Variants in TAFA2 observed in about 807,000 individuals in gnomAD.
TAFA2 encodes chemokine-like protein TAFA-2.
Under a neutral mutation model 18.8 loss-of-function variants are expected in TAFA2, and 7 were observed. The observed-to-expected ratio is 0.37, with a 90% CI of 0.21 to 0.70. The LOEUF (loss-of-function observed/expected upper bound fraction) is 0.70, where lower values mean the gene tolerates loss of function less well. TAFA2 is among the 30% of genes least tolerant of loss of function. TAFA2 has a pLI of 0.53. For missense variants in TAFA2, 122 were observed against 158.1 expected (o/e 0.77, Z 1.23); for synonymous variants, 60 against 54.2 (o/e 1.11, Z -0.47).
intron 1 of TAFA2, among the ~76,000 whole-genome samples, chr12:62,076,233 T>C (rs1328465006): frequency 2.0e-5 from 3 of 152,296 alleles, no homozygotes; most frequent in Non-Finnish European, 4.4e-5. Context: ...CATAGTATGC[T>C]GAAAGATCAA....
chr12:61,834,588 A>G (rs1305994691), intron 2 of TAFA2, among the ~76,000 whole-genome samples: 4 of 151,946 alleles, frequency 2.6e-5, no homozygotes, highest in African/African-American at 4.8e-5. Context: ...AACTTTGTAC[A>G]ATGTTTTGCT....
intron 2 of TAFA2, among the ~76,000 whole-genome samples, chr12:61,840,156 C>T (rs981114431): frequency 3.3e-5 from 5 of 152,000 alleles, no homozygotes; most frequent in African/African-American, 1.2e-4. Context: ...GAATCCAGTG[C>T]TTCAGGAGTC....
At chr12:62,180,746 G>A (rs530376270) in intron 1 of TAFA2, among the ~76,000 whole-genome samples, 1 of 152,042 alleles carries the variant, frequency 6.6e-6, no homozygotes, top group South Asian at 2.1e-4. Context: ...AAAAAATTTA[G>A]TATCATTGAA....
chr12:61,765,433 T>C (rs1006678891), intron 2 of TAFA2, among the ~76,000 whole-genome samples: 2 of 152,114 alleles, frequency 1.3e-5, no homozygotes, highest in East Asian at 1.9e-4. Flanking sequence ...ATATCTGTTA[T>C]AGTAGCAAGC....
intron 1 of TAFA2, among the ~76,000 whole-genome samples, chr12:61,932,610 T>G (rs2121398515): frequency 6.6e-6 from 1 of 152,140 alleles, no homozygotes; most frequent in Middle Eastern, 3.4e-3. Flanking sequence ...GCCCAGCTAA[T>G]TTTTGTATTT....
intron 2 of TAFA2, among the ~76,000 whole-genome samples, chr12:61,788,243 C>A (rs1394229908): frequency 4.6e-5 from 7 of 151,558 alleles, no homozygotes; most frequent in African/African-American, 9.7e-5. Flanking sequence ...CAGACTGCAA[C>A]ACAATAATAA....
At chr12:62,006,614 G>T (rs918721777) in intron 1 of TAFA2, among the ~76,000 whole-genome samples, 5 of 152,098 alleles carry the variant, frequency 3.3e-5, no homozygotes, top group Admixed American at 1.3e-4. Context: ...GAAGAGAAAA[G>T]GGAAATCATA....
chr12:61,739,884 A>G (rs1868372961), intron 4 of TAFA2, among the ~76,000 whole-genome samples: 1 of 152,064 alleles, frequency 6.6e-6, no homozygotes, highest in Admixed American at 6.6e-5. Flanking sequence ...AATGTGTCTG[A>G]GAATATTCAA....
intron 1 of TAFA2, among the ~76,000 whole-genome samples, chr12:61,912,325 G>T (rs1876643614): frequency 6.6e-6 from 1 of 152,240 alleles, no homozygotes; most frequent in South Asian, 2.1e-4. Context: ...GCTATATGTG[G>T]ATATTGACAC....
chr12:62,164,749 C>G (rs527699228), intron 1 of TAFA2, among the ~76,000 whole-genome samples: 1 of 152,220 alleles, frequency 6.6e-6, no homozygotes, highest in South Asian at 2.1e-4. Flanking sequence ...GTTAACGCTT[C>G]TGTTAGCTTC....
At chr12:62,195,437 G>A (rs996824046), upstream of TAFA2, among the ~76,000 whole-genome samples, 10 of 152,130 alleles carry the variant, frequency 6.6e-5, no homozygotes, top group African/African-American at 2.4e-4. Flanking sequence ...AGATCCATCA[G>A]AGGAATCATT....
chr12:62,141,908 C>T (rs1057028829), intron 1 of TAFA2, among the ~76,000 whole-genome samples: 2 of 152,188 alleles, frequency 1.3e-5, no homozygotes, highest in African/African-American at 2.4e-5. Context: ...AAACCACAAA[C>T]AAAATCTTCC....
chr12:62,129,767 T>C (rs1362397196), intron 1 of TAFA2, among the ~76,000 whole-genome samples: 3 of 151,980 alleles, frequency 2.0e-5, no homozygotes, highest in Non-Finnish European at 4.4e-5. Context: ...ACCCACGAAA[T>C]GCTTCTAGCA....
At chr12:62,114,542 G>A (rs532073486) in intron 1 of TAFA2, among the ~76,000 whole-genome samples, 106 of 152,236 alleles carry the variant, frequency 7.0e-4, no homozygotes, top group African/African-American at 2.3e-3. Context: ...CTCAATAATT[G>A]ATGATATTTT....
At chr12:62,029,089 C>G (rs1881383079) in intron 1 of TAFA2, among the ~76,000 whole-genome samples, 1 of 152,012 alleles carries the variant, frequency 6.6e-6, no homozygotes, top group Non-Finnish European at 1.5e-5. Flanking sequence ...ATGTCCTCAC[C>G]ATATTTAATT....
intron 1 of TAFA2, among the ~76,000 whole-genome samples, chr12:61,928,282 A>G (rs1877395499): frequency 1.3e-5 from 2 of 152,240 alleles, no homozygotes; most frequent in Admixed American, 6.5e-5. Flanking sequence ...GCTGATAGCC[A>G]GAATGTACAA....
At chr12:62,231,340 C>G (rs1488342892) in intron 1 of TAFA2, among the ~76,000 whole-genome samples, 3 of 151,976 alleles carry the variant, frequency 2.0e-5, no homozygotes, top group African/African-American at 7.2e-5. Flanking sequence ...AAATAATGAC[C>G]TTGTCTCTTT....
chr12:61,835,871 C>T (rs140224029), intron 2 of TAFA2, among the ~76,000 whole-genome samples: 1 of 152,002 alleles, frequency 6.6e-6, no homozygotes, highest in East Asian at 1.9e-4. Context: ...CCTGGAAATA[C>T]AGCCATGGAT....
chr12:61,764,229 T>TAGA (rs747189894), intron 2 of TAFA2, among the ~76,000 whole-genome samples: 19,933 of 101,870 alleles, frequency 0.2, 1,472 homozygotes, highest in Admixed American at 0.27. Context: ...AGATGATTGA[T>TAGA]TGATAGATAG....
Sources: allele counts gnomAD v4.1 joint callset (sites outside exome capture counted in the v4.1 genomes callset), GRCh38; gene constraint gnomAD v4.1.1; transcripts MANE v1.5; gene names NCBI Gene and HGNC (gene_info 2026-07-23, HGNC 2026-07-21).